Variants in C2CD3 observed in about 807,000 individuals in gnomAD.
C2CD3 encodes C2 domain-containing protein 3.
A neutral mutation model predicts 234.0 loss-of-function variants in C2CD3; 148 were observed. The ratio of observed to expected loss-of-function variants is 0.63; its 90% CI spans 0.55 to 0.72. The LOEUF (loss-of-function observed/expected upper bound fraction) is 0.72, where lower values mean the gene tolerates loss of function less well. Among genes scored for constraint, C2CD3 ranks in the 30% least tolerant of loss-of-function variants. The pLI is 0.00. For missense variants in C2CD3, 2,577 were observed against 2,811.5 expected (o/e 0.92, Z 1.89); for synonymous variants, 1,000 against 1,035.4 (o/e 0.97, Z 0.66).
At chr11:74,064,287 A>G (rs1321541976) in intron 24 of C2CD3, among the ~76,000 whole-genome samples, 2 of 152,198 alleles carry the variant, frequency 1.3e-5, no homozygotes, top group Non-Finnish European at 2.9e-5. Flanking sequence ...CACCAAAAAC[A>G]GAGAGCCAAG....
chr11:74,114,396 G>GT lies in C2CD3; in HGVS notation c.1717dup (p.Thr573AsnfsTer30). 3.7e-6 allele frequency: 6 copies of GT among 1,613,206 alleles called. No homozygotes were observed. The highest frequency in any genetic ancestry group is 5.1e-6 in the Non-Finnish European group (6 of 1,179,408). On this transcript the variant is annotated frameshift_variant, in exon 10 of 33. Transcript: ENST00000334126. LOFTEE classifies it high-confidence loss of function. ...GTTAGAGACATACCGCTTTTTTGCT[G>GT]TAGTCACCTTAGGTGGTGGACCAGC...
intron 11 of C2CD3, among the ~76,000 whole-genome samples, chr11:74,112,222 A>G (rs1336739600): frequency 6.6e-6 from 1 of 152,194 alleles, no homozygotes; most frequent in Admixed American, 6.6e-5. Flanking sequence ...TTCTCAAACT[A>G]CTTCCCAGAG....
In C2CD3 at chr11:74,170,861, C is replaced by T. The variant is rs1366336512; in HGVS notation, c.-69G>A. On this transcript the variant is annotated 5_prime_UTR_variant, in exon 1 of 33. Transcript: ENST00000334126. ...CACCTAAGCAGTATCCTCCCGCCAT[C>T]CCTCCCCACGGCGCCTGCGTTCCCC... The T allele has an allele frequency of 5.0e-6, 8 of 1,606,770 alleles. No individual in the cohort carries two copies. The highest frequency in any genetic ancestry group is 6.8e-6 in the Non-Finnish European group (8 of 1,176,538).
At chr11:74,160,158 G>A (rs1856357861) in intron 3 of C2CD3, among the ~76,000 whole-genome samples, 1 of 152,150 alleles carries the variant, frequency 6.6e-6, no homozygotes, top group African/African-American at 2.4e-5. Context: ...TTAGGCTTGT[G>A]TCAGTACACT....
chr11:74,162,468 A>G (rs1409558765), intron 2 of C2CD3, among the ~76,000 whole-genome samples: 1 of 152,226 alleles, frequency 6.6e-6, no homozygotes, highest in Non-Finnish European at 1.5e-5. Flanking sequence ...TAATGAAAAA[A>G]GTGACACAAC....
At position 74,165,797 on chromosome 11, in the gene C2CD3, G is replaced by A. The variant is rs370757115; in HGVS notation, c.325+2547C>T. Among the ~76,000 whole-genome samples, 30 of 152,158 alleles carry A rather than the reference G, an allele frequency of 2.0e-4. No individual in the cohort carries two copies. The East Asian group carries it at 5.8e-3, about 29-fold the overall frequency. On this transcript the variant is annotated intron_variant, in intron 2 of 32. Coordinates refer to ENST00000334126, the MANE Select transcript of C2CD3 (RefSeq NM_001286577.2). ...AGCCTCCCAAGTAGCTGGGACTACAGGTGTGCACCACCATGCCCAGCTAAT... is the reference window on the plus strand; with the variant it reads ...AGCCTCCCAAGTAGCTGGGACTACAAGTGTGCACCACCATGCCCAGCTAAT...
chr11:74,109,486 C>T (rs1384761430), intron 11 of C2CD3: 6 of 193,414 alleles, frequency 3.1e-5, no homozygotes, highest in African/African-American at 1.2e-4. Flanking sequence ...TTTTAAAAGA[C>T]TAGTTTGTAG....
chr11:74,160,219 TC>T (rs2135568504), intron 3 of C2CD3, among the ~76,000 whole-genome samples: 1 of 152,066 alleles, frequency 6.6e-6, no homozygotes, highest in East Asian at 1.9e-4. Context: ...TCAAAATATA[TC>T]CCCATCATTA....
At position 74,146,747 on chromosome 11, in the gene C2CD3, C is replaced by CACACACACATAT. The variant is rs58129019; in HGVS notation, c.484-6920_484-6919insATATGTGTGTGT. ...ACACACACACACACACACACACACA[C>CACACACACATAT]AATTAACATATGAATTAAATTCCTG... is the stretch of plus-strand genomic sequence containing the variant. On this transcript the variant is annotated intron_variant, in intron 3 of 32. Coordinates refer to ENST00000334126, the MANE Select transcript of C2CD3 (RefSeq NM_001286577.2). Among the ~76,000 whole-genome samples the CACACACACATAT allele has an allele frequency of 3.5e-5, 5 of 144,112 alleles. 1 individual carries two copies. In the Middle Eastern group the frequency reaches 0.011, roughly 307 times the overall value. 94.5% of individuals were successfully genotyped at this position (144,112 alleles called of 152,430 possible). A position where few individuals can be genotyped will look rare whatever the true frequency, so the allele number is the denominator to read the frequency against.
intron 19 of C2CD3, 59 bp downstream of exon 19, chr11:74,092,357 T>G: frequency 6.7e-7 from 1 of 1,490,388 alleles, no homozygotes; most frequent in Non-Finnish European, 9.3e-7. Context: ...ACCCGGCTAT[T>G]TTATATATTT....
intron 28 of C2CD3, among the ~76,000 whole-genome samples, chr11:74,045,706 G>A (rs1171883301): frequency 6.6e-6 from 1 of 151,956 alleles, no homozygotes. Flanking sequence ...CGAGTAGCTG[G>A]GACTGCAGGC....
At chr11:74,145,117 G>A (rs1357668330) in intron 3 of C2CD3, among the ~76,000 whole-genome samples, 2 of 152,198 alleles carry the variant, frequency 1.3e-5, no homozygotes, top group Admixed American at 6.6e-5. Flanking sequence ...TCGTAGTTCT[G>A]TTTTTAGATC....
At chr11:74,049,255 G>T in intron 27 of C2CD3, 82 bp downstream of exon 27, 1 of 1,164,836 alleles carries the variant, frequency 8.6e-7, no homozygotes, top group Non-Finnish European at 1.3e-6. Context: ...CTATAAGCCG[G>T]AGAGTGCCAA....
chr11:74,080,126 G>T (rs983619037), intron 22 of C2CD3, among the ~76,000 whole-genome samples: 3 of 152,122 alleles, frequency 2.0e-5, no homozygotes, highest in African/African-American at 4.8e-5. Context: ...GGGTCTTTCA[G>T]ATTTTGGCAT....
intron 26 of C2CD3, among the ~76,000 whole-genome samples, chr11:74,053,078 A>G (rs1206344045): frequency 2.6e-5 from 4 of 152,240 alleles, no homozygotes; most frequent in Non-Finnish European, 5.9e-5. Context: ...TCTTACTAGC[A>G]TGGTGAAGAA....
intron 5 of C2CD3, among the ~76,000 whole-genome samples, chr11:74,138,419 T>C (rs980092001): frequency 6.6e-5 from 10 of 152,256 alleles, no homozygotes; most frequent in Non-Finnish European, 1.5e-4. Flanking sequence ...TTGAATTATT[T>C]GGGACAAAGT....
At chr11:74,027,672 T>C (rs544220179) in intron 32 of C2CD3, among the ~76,000 whole-genome samples, 6 of 152,318 alleles carry the variant, frequency 3.9e-5, no homozygotes, top group Middle Eastern at 3.4e-3. Context: ...TATTTACTAC[T>C]ATATGCTCAG....
At chr11:74,095,078 A>AT in intron 17 of C2CD3, 150 bp downstream of exon 17, 1 of 397,984 alleles carries the variant, frequency 2.5e-6, no homozygotes, top group Non-Finnish European at 4.4e-6. Flanking sequence ...TAGTTAAAAA[A>AT]TAAAAAAAAC....
At chr11:74,165,443 T>C (rs965883443) in intron 2 of C2CD3, among the ~76,000 whole-genome samples, 2 of 152,180 alleles carry the variant, frequency 1.3e-5, no homozygotes, top group African/African-American at 2.4e-5. Flanking sequence ...GAGAAAAAAA[T>C]ATGGTTCATG....
Sources: allele counts gnomAD v4.1 joint callset (sites outside exome capture counted in the v4.1 genomes callset), GRCh38; gene constraint gnomAD v4.1.1; transcripts MANE v1.5; gene names NCBI Gene and HGNC (gene_info 2026-07-23, HGNC 2026-07-21).